The following GLYAT variants were observed in gnomAD, a reference collection of about 807,000 sequenced individuals.
The protein encoded by GLYAT is glycine N-acyltransferase.
In GLYAT, 25 loss-of-function variants were observed where a neutral mutation model predicts 22.8. That is an observed-to-expected ratio of 1.09 (90% CI 0.80 to 1.53). The LOEUF (loss-of-function observed/expected upper bound fraction) is 1.53, where lower values mean the gene tolerates loss of function less well. GLYAT is among the 40% of genes most tolerant of loss of function. GLYAT has a pLI of 0.00. For missense variants in GLYAT, 411 were observed against 353.9 expected, an observed-to-expected ratio of 1.16 and a Z score of -1.29; for synonymous variants, 140 against 122.7, an observed-to-expected ratio of 1.14 and a Z score of -0.93.
Position 58,720,082 on chromosome 11 carries a change from A to AATAG in GLYAT, c.81+4330_81+4333dup, listed in dbSNP as rs974762169. Among the ~76,000 whole-genome samples, 21 of 152,080 alleles carry AATAG rather than the reference A, an allele frequency of 1.4e-4. 1 individual carries two copies. In the South Asian group the frequency reaches 3.3e-3, roughly 24 times the overall value. On this transcript the variant is annotated intron_variant, in intron 2 of 5. Transcript: ENST00000344743. ...TTTACCTAAAAAAACCTTTGTTAAAAATAGCTTTTTCATATCTTTTTTTAG... is the reference window on the plus strand; with the variant it reads ...TTTACCTAAAAAAACCTTTGTTAAAAATAGATAGCTTTTTCATATCTTTTTTTAG...
At chr11:58,713,550 TTAAAAAC>T (rs1228277919) in intron 3 of GLYAT, among the ~76,000 whole-genome samples, 1 of 152,086 alleles carries the variant, frequency 6.6e-6, no homozygotes, top group Admixed American at 6.6e-5. Context: ...CCAAAGAAGA[TTAAAAAC>T]TAATTCAAAA....
chr11:58,729,656 G>A (rs1335638804), intron 1 of GLYAT, among the ~76,000 whole-genome samples: 2 of 152,054 alleles, frequency 1.3e-5, no homozygotes, highest in Non-Finnish European at 2.9e-5. Flanking sequence ...AAAGTATAGA[G>A]ACATTAATAT....
chr11:58,715,632 A>G (rs1856670854), intron 2 of GLYAT, among the ~76,000 whole-genome samples: 1 of 152,210 alleles, frequency 6.6e-6, no homozygotes, highest in South Asian at 2.1e-4. Flanking sequence ...AAATCAGGCC[A>G]CTTGTCCATC....
chr11:58,711,797 T>G (rs1010067049), intron 4 of GLYAT, among the ~76,000 whole-genome samples: 2 of 152,236 alleles, frequency 1.3e-5, no homozygotes, highest in African/African-American at 4.8e-5. Flanking sequence ...ATTGACCATC[T>G]TTCATCAATG....
intron 1 of GLYAT, among the ~76,000 whole-genome samples, chr11:58,725,266 A>G (rs1036154215): frequency 6.6e-6 from 1 of 152,212 alleles, no homozygotes; most frequent in African/African-American, 2.4e-5. Flanking sequence ...CATTTTGTAG[A>G]AATTACTAAG....
Position 58,709,917 on chromosome 11 carries a change from A to T in GLYAT, c.740T>A (p.Ile247Asn). 6.2e-7 allele frequency: 1 copy of T among 1,614,140 alleles called. No homozygotes were observed. The highest frequency in any genetic ancestry group is 8.5e-7 in the Non-Finnish European group (1 of 1,180,002). Residue 247 changes from isoleucine to asparagine, a missense_variant, in exon 6 of 6, where the codon ATC becomes AAC. Coordinates refer to ENST00000344743, the MANE Select transcript of GLYAT (RefSeq NM_201648.3). ...GCCCAATTTCTGGGCGTGGGAATAG[A>T]TGACATACGTCACAAGGCCATGGAG... is the stretch of plus-strand genomic sequence containing the variant. ...YRLHGLVTYVIYSHAQKLGKL... is the reference protein window; with the variant it reads ...YRLHGLVTYVNYSHAQKLGKL...
In GLYAT at chr11:58,715,384, A is replaced by G. The variant is rs1856667442; in HGVS notation, c.121T>C (p.Phe41Leu). 1 of 1,596,198 alleles carries G rather than the reference A, an allele frequency of 6.3e-7. No individual in the cohort carries two copies. Among genetic ancestry groups the G allele is most frequent in the Non-Finnish European group, 8.6e-7 (1 of 1,164,068 alleles). ...TVFHINHGNP[F>L]NLKAVVDKWP... is the part of the protein sequence containing the mutation. ...TTGTCCACCACAGCCTTCAGATTGA[A>G]TGGATTTCCATGGTTTATGTGAAAG... Residue 41 changes from phenylalanine to leucine, a missense_variant, in exon 3 of 6, where the codon TTC becomes CTC. Phe to Leu is a conservative substitution (Grantham distance 22, BLOSUM62 0). Transcript: ENST00000344743.
Position 58,715,326 on chromosome 11 carries a change from G to T in GLYAT, c.179C>A (p.Pro60His). 6.7e-7 allele frequency: 1 copy of T among 1,486,414 alleles called. No homozygotes were observed. Among genetic ancestry groups the T allele is most frequent in the Non-Finnish European group, 9.4e-7 (1 of 1,064,576 alleles). 92.1% of individuals were successfully genotyped at this position (1,486,414 alleles called of 1,614,324 possible). ...WPDFNTVVVCPQEQDMTDDLD... is the reference protein window; with the variant it reads ...WPDFNTVVVCHQEQDMTDDLD... ...CACATGGAAACTTACCTGCTCCTGA[G>T]GGCAGACAACCACTGTATTAAAATC... Residue 60 changes from proline to histidine, a missense_variant, in exon 3 of 6, where the codon CCT becomes CAT. By Grantham distance (77) the Pro-to-His change is moderately conservative. Coordinates refer to ENST00000344743, the MANE Select transcript of GLYAT (RefSeq NM_201648.3).
chr11:58,719,111 T>A (rs1856718801), intron 2 of GLYAT, among the ~76,000 whole-genome samples: 1 of 151,964 alleles, frequency 6.6e-6, no homozygotes, highest in East Asian at 1.9e-4. Flanking sequence ...AAGACATAAT[T>A]TATAGTTCAA....
intron 2 of GLYAT, among the ~76,000 whole-genome samples, chr11:58,716,979 C>T (rs1856688996): frequency 6.6e-6 from 1 of 152,116 alleles, no homozygotes; most frequent in Admixed American, 6.6e-5. Flanking sequence ...ATAGGTGAGA[C>T]ACAAATGGTT....
At chr11:58,716,902 G>T (rs1252597318) in intron 2 of GLYAT, among the ~76,000 whole-genome samples, 2 of 152,096 alleles carry the variant, frequency 1.3e-5, no homozygotes, top group Non-Finnish European at 2.9e-5. Context: ...GTTCAGTTTG[G>T]AAAAGTGGGA....
In GLYAT at chr11:58,710,589, C is replaced by T. The variant is rs745833776; in HGVS notation, c.488+1G>A. 2.5e-6 allele frequency: 4 copies of T among 1,593,046 alleles called. No homozygotes were observed. Among genetic ancestry groups the T allele is most frequent in the Non-Finnish European group, 3.4e-6 (4 of 1,160,438 alleles). On this transcript the variant is annotated splice_donor_variant, in intron 5 of 5. Transcript: ENST00000344743. LOFTEE classifies it high-confidence loss of function. ...TATAGACTGGATTTTATCAAACTCACATGGCCTTGGGTTTGCCACCATTGG... is the reference window on the plus strand; with the variant it reads ...TATAGACTGGATTTTATCAAACTCATATGGCCTTGGGTTTGCCACCATTGG...
At chr11:58,726,624 C>A (rs1192892611) in intron 1 of GLYAT, among the ~76,000 whole-genome samples, 3 of 152,106 alleles carry the variant, frequency 2.0e-5, no homozygotes, top group African/African-American at 7.2e-5. Context: ...CATAAGGGTA[C>A]TGGGTTCCAA....
chr11:58,720,179 C>T (rs1856732293), intron 2 of GLYAT, among the ~76,000 whole-genome samples: 1 of 151,698 alleles, frequency 6.6e-6, no homozygotes, highest in Non-Finnish European at 1.5e-5. Context: ...ACTTGTTCAC[C>T]TCTTTAAAAA....
intron 3 of GLYAT, 72 bp from the exon 4 acceptor site, chr11:58,712,958 A>G (rs1382628055): frequency 1.0e-6 from 1 of 966,526 alleles, no homozygotes; most frequent in Non-Finnish European, 1.5e-6. Flanking sequence ...TTATACTGTG[A>G]TATTTCTAAG....
chr11:58,724,279 G>A (rs1337261221), intron 2 of GLYAT, 137 bp downstream of exon 2: 2 of 541,686 alleles, frequency 3.7e-6, no homozygotes, highest in East Asian at 2.9e-5. Context: ...CTTGTAGAGA[G>A]GTAAGGCATA....
At chr11:58,710,933 C>G (rs114125975) in intron 4 of GLYAT, among the ~76,000 whole-genome samples, 172 bp from the exon 5 acceptor site, 1 of 152,150 alleles carries the variant, frequency 6.6e-6, no homozygotes, top group Non-Finnish European at 1.5e-5. Flanking sequence ...GATTCCTCTT[C>G]AAAAAGACTT....
At chr11:58,729,446 C>T (rs1275658272) in intron 1 of GLYAT, among the ~76,000 whole-genome samples, 1 of 152,120 alleles carries the variant, frequency 6.6e-6, no homozygotes, top group Non-Finnish European at 1.5e-5. Context: ...TGCTGTTCAA[C>T]ATGATGTTTT....
rs1314223641 is a variant in GLYAT at position 58,709,922 on chromosome 11, A to T, written c.735T>A (p.Tyr245Ter). The T allele has an allele frequency of 1.2e-6, 2 of 1,614,110 alleles. No homozygotes were observed. The highest frequency in any genetic ancestry group is 3.3e-5 in the Admixed American group (2 of 60,004). Residue 245 changes from tyrosine (Y) to a stop codon, truncating the protein, a stop_gained, in exon 6 of 6, where the codon TAT becomes TAA. Transcript: ENST00000344743. LOFTEE classifies it low-confidence loss of function (END_TRUNC). Reference sequence around the variant, plus strand: ...ATTTCTGGGCGTGGGAATAGATGACATACGTCACAAGGCCATGGAGCCGGT... The same window carrying T: ...ATTTCTGGGCGTGGGAATAGATGACTTACGTCACAAGGCCATGGAGCCGGT... ...PEYRLHGLVT[Y>*]VIYSHAQKLG...
Sources: allele counts gnomAD v4.1 joint callset (sites outside exome capture counted in the v4.1 genomes callset), GRCh38; gene constraint gnomAD v4.1.1; transcripts MANE v1.5; gene names NCBI Gene and HGNC (gene_info 2026-07-23, HGNC 2026-07-21).